The following ATXN1 variants were observed in gnomAD, a reference collection of about 807,000 sequenced individuals.
The protein encoded by ATXN1 is ataxin 1.
In ATXN1, 8 loss-of-function variants were observed where a neutral mutation model predicts 56.4. That is an observed-to-expected ratio of 0.14 (90% CI 0.08 to 0.26). The LOEUF (loss-of-function observed/expected upper bound fraction) is 0.26, where lower values mean the gene tolerates loss of function less well. ATXN1 is among the 10% of genes least tolerant of loss of function. ATXN1 has a pLI of 1.00. For missense variants in ATXN1, 987 were observed against 1,106.5 expected (o/e 0.89, Z 1.53); for synonymous variants, 514 against 494.6 (o/e 1.04, Z -0.52).
intron 3 of ATXN1, among the ~76,000 whole-genome samples, chr6:16,613,157 C>T (rs1212616854): frequency 7.1e-6 from 1 of 141,404 alleles, no homozygotes; most frequent in Admixed American, 7.3e-5. Context: ...CCCAGCCACT[C>T]GGGAGGCTGA....
At chr6:16,587,951 T>C (rs1288296232) in intron 3 of ATXN1, among the ~76,000 whole-genome samples, 1 of 149,218 alleles carries the variant, frequency 6.7e-6, no homozygotes, top group Non-Finnish European at 1.5e-5. Flanking sequence ...AAAAAGAAAA[T>C]TCCTACTCAT....
chr6:16,558,760 A>C (rs566502201), intron 4 of ATXN1, among the ~76,000 whole-genome samples: 1 of 152,224 alleles, frequency 6.6e-6, no homozygotes, highest in South Asian at 2.1e-4. Flanking sequence ...TATGTAAAAA[A>C]ATTAAAAGCC....
intron 6 of ATXN1, among the ~76,000 whole-genome samples, chr6:16,418,172 G>A (rs561527252): frequency 6.6e-6 from 1 of 152,188 alleles, no homozygotes; most frequent in Admixed American, 6.5e-5. Flanking sequence ...TTAAATGAAA[G>A]AATTAATGCA....
chr6:16,659,021 T>G (rs554101095), intron 2 of ATXN1, among the ~76,000 whole-genome samples: 14 of 152,344 alleles, frequency 9.2e-5, no homozygotes, highest in Non-Finnish European at 1.5e-4. Flanking sequence ...CTTTATGGAA[T>G]AGTCAACCTT....
At chr6:16,518,123 A>AG (rs1761220313) in intron 5 of ATXN1, among the ~76,000 whole-genome samples, 1 of 66,098 alleles carries the variant, frequency 1.5e-5, no homozygotes, top group Non-Finnish European at 2.4e-5. Context: ...GCCACGAAGA[A>AG]AACAACAGGT....
At chr6:16,455,628 C>G (rs1167313618) in intron 6 of ATXN1, among the ~76,000 whole-genome samples, 1 of 152,196 alleles carries the variant, frequency 6.6e-6, no homozygotes, top group Non-Finnish European at 1.5e-5. Context: ...ATGTTTATAG[C>G]AGCTTCATTC....
rs1171957058 is a variant in ATXN1, at chr6:16,737,246, G to T, written c.-615+15987C>A. The T allele has an allele frequency of 2.0e-5, 3 of 152,226 alleles. No individual in the cohort carries two copies. In the South Asian group the frequency reaches 6.2e-4, roughly 31 times the overall value. The allele number at this position is 152,226 out of a possible 1,614,324, so 9.4% of individuals were successfully genotyped here. On this transcript the variant is annotated intron_variant, in intron 2 of 7. Coordinates refer to ENST00000436367, the MANE Select transcript of ATXN1 (RefSeq NM_001128164.2). ...ATTATTTGGTTCAGAGGACCCATTT[G>T]TGATTAACTTCTGTGTTGCATGGCA...
intron 6 of ATXN1, among the ~76,000 whole-genome samples, chr6:16,479,476 G>A (rs1243139664): frequency 6.6e-6 from 1 of 152,072 alleles, no homozygotes; most frequent in Non-Finnish European, 1.5e-5. Flanking sequence ...TTGGAGACAT[G>A]GTTAATATTT....
rs529475689 is a variant in ATXN1 at position 16,687,399 on chromosome 6, G to GA, written c.-614-29499dup. On this transcript the variant is annotated intron_variant, in intron 2 of 7. Coordinates refer to ENST00000436367, the MANE Select transcript of ATXN1 (RefSeq NM_001128164.2). ...AAAAGTACAATGTATTAAGAAACAG[G>GA]AAAAAAAATCATGCTCAAGAGCCCT... Among the ~76,000 whole-genome samples the GA allele has an allele frequency of 4.6e-4, 69 of 151,290 alleles. No individual in the cohort carries two copies. In the East Asian group the frequency reaches 0.011, roughly 23 times the overall value.
chr6:16,545,063 T>C (rs1761790082), intron 4 of ATXN1, among the ~76,000 whole-genome samples: 3 of 152,202 alleles, frequency 2.0e-5, no homozygotes, highest in East Asian at 1.9e-4. Context: ...TCTAAGAGCA[T>C]GGCAAATACG....
intron 6 of ATXN1, among the ~76,000 whole-genome samples, chr6:16,399,499 G>C (rs190225768): frequency 2.0e-5 from 3 of 152,276 alleles, no homozygotes; most frequent in African/African-American, 7.2e-5. Flanking sequence ...CAGAAATAGC[G>C]AAAAGAGTGT....
intron 4 of ATXN1, among the ~76,000 whole-genome samples, chr6:16,549,477 G>C (rs905263038): frequency 6.6e-6 from 1 of 152,114 alleles, no homozygotes; most frequent in African/African-American, 2.4e-5. Flanking sequence ...GTCGTTATGC[G>C]GCACATGGCT....
intron 6 of ATXN1, among the ~76,000 whole-genome samples, chr6:16,358,102 G>A (rs1761728216): frequency 6.6e-6 from 1 of 152,148 alleles, no homozygotes; most frequent in Admixed American, 6.5e-5. Flanking sequence ...TTTGGTTAGA[G>A]AGAGGAAAAG....
intron 5 of ATXN1, among the ~76,000 whole-genome samples, chr6:16,516,361 G>A (rs753309644): frequency 5.9e-5 from 9 of 152,160 alleles, no homozygotes; most frequent in Non-Finnish European, 7.4e-5. Flanking sequence ...GGACTGGGAC[G>A]TTGGGAGTTA....
At chr6:16,516,769 A>T (rs1761191213) in intron 5 of ATXN1, among the ~76,000 whole-genome samples, 1 of 152,136 alleles carries the variant, frequency 6.6e-6, no homozygotes, top group Non-Finnish European at 1.5e-5. Context: ...TAGGCTTTAT[A>T]TTTACTGCCC....
At position 16,593,961 on chromosome 6, in the gene ATXN1, A is replaced by C. The variant is rs149149426; in HGVS notation, c.-488-8054T>G. Among the ~76,000 whole-genome samples the C allele has an allele frequency of 4.1e-3, 603 of 148,590 alleles. 3 individuals carry two copies. The highest frequency in any genetic ancestry group is 0.014 in the African/African-American group (571 of 40,874). On this transcript the variant is annotated intron_variant, in intron 3 of 7. Coordinates refer to ENST00000436367, the MANE Select transcript of ATXN1 (RefSeq NM_001128164.2). ...ATACATATATTAGTCCAATTATTATACATATTAGTCTAATTATTATATATT... is the reference window on the plus strand; with the variant it reads ...ATACATATATTAGTCCAATTATTATCCATATTAGTCTAATTATTATATATT...
At chr6:16,646,115 G>T (rs923840025) in intron 3 of ATXN1, among the ~76,000 whole-genome samples, 1 of 152,164 alleles carries the variant, frequency 6.6e-6, no homozygotes, top group Non-Finnish European at 1.5e-5. Flanking sequence ...CCAGAGCTCT[G>T]GGAAGTTGGG....
In ATXN1 at chr6:16,328,015, G is replaced by C. The variant is rs1052847025; in HGVS notation, c.296C>G (p.Ala99Gly). ...PPSAPRSVPV[A>G]TTLPAAYATP... ...GGCGTACGCGGCAGGCAGCGTGGTG[G>C]CCACGGGGACAGACCTGGGAGCGCT... Residue 99 changes from alanine (A) to glycine (G), a missense_variant, in exon 7 of 8, where the codon GCC becomes GGC. Coordinates refer to ENST00000436367, the MANE Select transcript of ATXN1 (RefSeq NM_001128164.2). This position sits in a 1 kb window ranked among gnomAD's most constrained non-coding sequence, Gnocchi z 6.2. 1 of 1,613,752 alleles carries C rather than the reference G, an allele frequency of 6.2e-7. No individual in the cohort carries two copies. Among genetic ancestry groups the C allele is most frequent in the East Asian group, 2.2e-5 (1 of 44,888 alleles).
chr6:16,484,957 G>A (rs1051387817), intron 6 of ATXN1, among the ~76,000 whole-genome samples: 10 of 111,610 alleles, frequency 9.0e-5, no homozygotes, highest in Non-Finnish European at 1.8e-4. Context: ...ATGTGTGTGT[G>A]TGTGTGTGTG....
Sources: allele counts gnomAD v4.1 joint callset (sites outside exome capture counted in the v4.1 genomes callset), GRCh38; gene constraint gnomAD v4.1.1; non-coding constraint Gnocchi (gnomAD v3.1); transcripts MANE v1.5; gene names NCBI Gene and HGNC (gene_info 2026-07-23, HGNC 2026-07-21).